The following UCK2 variants were observed in gnomAD, a reference collection of about 807,000 sequenced individuals.
UCK2 encodes the protein uridine-cytidine kinase 2.
In UCK2, 6 loss-of-function variants were observed where a neutral mutation model predicts 30.8. That is an observed-to-expected ratio of 0.19 (90% CI 0.11 to 0.38). The LOEUF is 0.38. Among genes scored for constraint, UCK2 ranks in the 10% least tolerant of loss-of-function variants. UCK2 has a pLI of 1.00. For missense variants in UCK2, 210 were observed against 339.8 expected (o/e 0.62, Z 3.00); for synonymous variants, 125 against 133.6 (o/e 0.94, Z 0.45).
At chr1:165,857,073 T>C (rs1449810794) in intron 1 of UCK2, among the ~76,000 whole-genome samples, 1 of 152,148 alleles carries the variant, frequency 6.6e-6, no homozygotes, top group African/African-American at 2.4e-5. Flanking sequence ...TCACATCTGC[T>C]TTCTCGAGTG....
intron 1 of UCK2, among the ~76,000 whole-genome samples, chr1:165,863,581 G>A (rs1050486144): frequency 6.6e-6 from 1 of 152,216 alleles, no homozygotes; most frequent in African/African-American, 2.4e-5. Context: ...GTAAGTTGGG[G>A]ACTGCCTGTA....
rs989581991 is a variant in UCK2, at chr1:165,908,022, A to G, written c.*199A>G. 11 of 718,042 alleles carry G rather than the reference A, an allele frequency of 1.5e-5. No individual in the cohort carries two copies. In the African/African-American group the frequency reaches 1.8e-4, roughly 12 times the overall value. 44.5% of individuals were successfully genotyped at this position (718,042 alleles called of 1,614,324 possible). A position where few individuals can be genotyped will look rare whatever the true frequency, so the allele number is the denominator to read the frequency against. On this transcript the variant is annotated 3_prime_UTR_variant, in exon 7 of 7. Transcript: ENST00000367879. ...ACAGAACTTGACCCTGAGCTTAAATAACAAAACTGTGCCAACTACTACTGG... is the reference window on the plus strand; with the variant it reads ...ACAGAACTTGACCCTGAGCTTAAATGACAAAACTGTGCCAACTACTACTGG...
At chr1:165,875,639 C>G (rs1364621056) in intron 1 of UCK2, among the ~76,000 whole-genome samples, 3 of 152,170 alleles carry the variant, frequency 2.0e-5, no homozygotes, top group Non-Finnish European at 2.9e-5. Context: ...CCATAACCCC[C>G]TCTTAGGGTT....
rs1049957348 is a variant in UCK2 at position 165,901,966 on chromosome 1, G to A, written c.500-1216G>A. 2.6e-4 allele frequency among the ~76,000 whole-genome samples: 23 copies of A among 86,974 alleles called. No individual in the cohort carries two copies. In the East Asian group the frequency reaches 4.5e-3, roughly 17 times the overall value. The allele number at this position is 86,974 out of a possible 152,430, so 57.1% of individuals were successfully genotyped here. ...GTCTACCAAAAAAAAAAAAAAAAAA[G>A]GCTCACACCTGTAATTCCCAGCACT... On this transcript the variant is annotated intron_variant, in intron 4 of 6. Coordinates refer to ENST00000367879, the MANE Select transcript of UCK2 (RefSeq NM_012474.5).
chr1:165,854,997 T>C (rs376857316), intron 1 of UCK2, among the ~76,000 whole-genome samples: 47 of 152,340 alleles, frequency 3.1e-4, no homozygotes, highest in African/African-American at 1.1e-3. Flanking sequence ...TTTGTACACA[T>C]GACACTGAAA....
chr1:165,869,483 T>A (rs1334889422), intron 1 of UCK2, among the ~76,000 whole-genome samples: 3 of 151,964 alleles, frequency 2.0e-5, no homozygotes, highest in African/African-American at 7.3e-5. Context: ...CTATATTTAG[T>A]TTTTTGAGGA....
chr1:165,852,849 G>C (rs1411590971), intron 1 of UCK2, among the ~76,000 whole-genome samples: 1 of 152,208 alleles, frequency 6.6e-6, no homozygotes, highest in African/African-American at 2.4e-5. Flanking sequence ...AGCATGGGAA[G>C]TGTTGCCACA....
At chr1:165,843,222 C>CT (rs1004069854) in intron 1 of UCK2, among the ~76,000 whole-genome samples, 20 of 146,696 alleles carry the variant, frequency 1.4e-4, no homozygotes, top group South Asian at 4.3e-4. Flanking sequence ...TATTCAAGTC[C>CT]TTTTTTTTTT....
chr1:165,881,663 A>G (rs978628324), intron 1 of UCK2, among the ~76,000 whole-genome samples: 9 of 152,360 alleles, frequency 5.9e-5, no homozygotes, highest in Non-Finnish European at 7.3e-5. Flanking sequence ...AACCAAGTAT[A>G]TGTAAAGCTT....
intron 1 of UCK2, among the ~76,000 whole-genome samples, chr1:165,844,157 C>T (rs919926373): frequency 6.6e-6 from 1 of 152,182 alleles, no homozygotes; most frequent in African/African-American, 2.4e-5. Context: ...GGCATTTAAA[C>T]TCTTGGCTTC....
intron 1 of UCK2, among the ~76,000 whole-genome samples, chr1:165,864,191 A>G (rs958644952): frequency 1.3e-5 from 2 of 152,038 alleles, no homozygotes; most frequent in Non-Finnish European, 2.9e-5. Context: ...CAGGTGATCC[A>G]CCCGCCTTGG....
chr1:165,832,162 T>C (rs1015153119), intron 1 of UCK2, among the ~76,000 whole-genome samples: 6 of 152,196 alleles, frequency 3.9e-5, no homozygotes, highest in Non-Finnish European at 8.8e-5. Context: ...GTAATGGCCT[T>C]TAGTCTTTTT....
chr1:165,848,721 G>A (rs1432701015), intron 1 of UCK2, among the ~76,000 whole-genome samples: 3 of 151,976 alleles, frequency 2.0e-5, no homozygotes, highest in African/African-American at 7.3e-5. Flanking sequence ...TGAGGAGTTT[G>A]GAATACAAAT....
At chr1:165,872,344 G>C (rs1655216994) in intron 1 of UCK2, among the ~76,000 whole-genome samples, 1 of 152,126 alleles carries the variant, frequency 6.6e-6, no homozygotes, top group Non-Finnish European at 1.5e-5. Flanking sequence ...CAAAGTGCTG[G>C]GATTACAGGT....
At chr1:165,900,231 A>T (rs1012536580) in intron 4 of UCK2, 1 of 152,186 alleles carries the variant, frequency 6.6e-6, no homozygotes. Flanking sequence ...TGCCCTCCCA[A>T]CGCGTCCTCA....
At chr1:165,869,512 A>G (rs1219583923) in intron 1 of UCK2, among the ~76,000 whole-genome samples, 1 of 152,044 alleles carries the variant, frequency 6.6e-6, no homozygotes, top group African/African-American at 2.4e-5. Flanking sequence ...ACTGTTTTCT[A>G]CAGTGGCTAT....
intron 1 of UCK2, among the ~76,000 whole-genome samples, chr1:165,837,279 C>A (rs533154822): frequency 6.6e-6 from 1 of 152,228 alleles, no homozygotes; most frequent in Non-Finnish European, 1.5e-5. Flanking sequence ...AGGGTCCTTA[C>A]AAGCCCTTAC....
At chr1:165,839,727 C>T (rs1654277497) in intron 1 of UCK2, among the ~76,000 whole-genome samples, 1 of 152,170 alleles carries the variant, frequency 6.6e-6, no homozygotes, top group South Asian at 2.1e-4. Flanking sequence ...CACTTTTAAT[C>T]TGTTTCTTCT....
intron 1 of UCK2, among the ~76,000 whole-genome samples, chr1:165,828,777 G>T (rs1366764607): frequency 2.0e-5 from 3 of 152,128 alleles, no homozygotes; most frequent in Admixed American, 1.3e-4. Flanking sequence ...TTTACCCGGG[G>T]TTTTTTCTGC....
Sources: allele counts gnomAD v4.1 joint callset (sites outside exome capture counted in the v4.1 genomes callset), GRCh38; gene constraint gnomAD v4.1.1; transcripts MANE v1.5; gene names NCBI Gene and HGNC (gene_info 2026-07-23, HGNC 2026-07-21).